Variants in GLIPR1L1 observed in about 807,000 individuals in gnomAD.
GLIPR1L1 encodes GLIPR1 like 1.
In GLIPR1L1, 26 loss-of-function variants were observed where a neutral mutation model predicts 29.9. The ratio of observed to expected loss-of-function variants is 0.87; its 90% CI spans 0.64 to 1.21. GLIPR1L1 has a LOEUF of 1.21. Among genes scored for constraint, GLIPR1L1 ranks in the 50% most tolerant of loss-of-function variants. The pLI is 0.00. For synonymous variants in GLIPR1L1, 77 were observed against 97.5 expected, an observed-to-expected ratio of 0.79 and a Z score of 1.24; for missense variants, 305 against 290.3, an observed-to-expected ratio of 1.05 and a Z score of -0.37.
intron 2 of GLIPR1L1, among the ~76,000 whole-genome samples, chr12:75,345,598 C>T (rs901616535): frequency 2.0e-5 from 3 of 152,078 alleles, no homozygotes; most frequent in East Asian, 1.9e-4. Flanking sequence ...GTTCACTCTT[C>T]GTTCAACAAC....
At chr12:75,335,861 T>C (rs1322407436) in intron 1 of GLIPR1L1, among the ~76,000 whole-genome samples, 1 of 152,016 alleles carries the variant, frequency 6.6e-6, no homozygotes, top group African/African-American at 2.4e-5. Context: ...TCAACGGAAT[T>C]CAGAAATACT....
intron 1 of GLIPR1L1, among the ~76,000 whole-genome samples, chr12:75,340,261 CAT>C (rs111841775): frequency 0.011 from 1,629 of 151,784 alleles, 20 homozygotes; most frequent in African/African-American, 0.032. Context: ...CTGCTATAAA[CAT>C]GTGTGTGCTA....
At chr12:75,369,816 T>C in intron 4 of GLIPR1L1, 144 bp from the exon 5 acceptor site, 1 of 1,299,354 alleles carries the variant, frequency 7.7e-7, no homozygotes. Flanking sequence ...ACTGTAGGAT[T>C]GAGTAGGAAA....
At chr12:75,340,118 G>A (rs954298322) in intron 1 of GLIPR1L1, among the ~76,000 whole-genome samples, 8 of 150,344 alleles carry the variant, frequency 5.3e-5, no homozygotes, top group Non-Finnish European at 1.0e-4. Flanking sequence ...TCCATTATAT[G>A]TATATATTTT....
At chr12:75,368,579 T>G (rs1005032604) in intron 4 of GLIPR1L1, among the ~76,000 whole-genome samples, 1 of 151,760 alleles carries the variant, frequency 6.6e-6, no homozygotes, top group Non-Finnish European at 1.5e-5. Context: ...AAGAGATGGC[T>G]AGATCCTTGT....
chr12:75,350,146 G>C (rs2042710790), intron 3 of GLIPR1L1, among the ~76,000 whole-genome samples: 1 of 152,236 alleles, frequency 6.6e-6, no homozygotes, highest in Non-Finnish European at 1.5e-5. Context: ...GCTTCTTTAA[G>C]CGAGACCCTG....
At position 75,334,869 on chromosome 12, in the gene GLIPR1L1, AGTCAACCCT is replaced by A; in HGVS notation, c.142_150del (p.Val48_Pro50del). 2 of 1,614,166 alleles carry A rather than the reference AGTCAACCCT, an allele frequency of 1.2e-6. No homozygotes were observed. The highest frequency in any genetic ancestry group is 1.7e-6 in the Non-Finnish European group (2 of 1,180,014). On this transcript the variant is annotated inframe_deletion, in exon 1 of 6. Coordinates refer to ENST00000378695, the MANE Select transcript of GLIPR1L1 (RefSeq NM_001304964.2). ...AAGCCCACAACGAATGGCGTGGCAA[AGTCAACCCT>A]CCCGCGGCCGACATGAAATACATGG...
intron 1 of GLIPR1L1, among the ~76,000 whole-genome samples, chr12:75,339,872 G>A (rs2041987200): frequency 6.6e-6 from 1 of 151,940 alleles, no homozygotes; most frequent in Non-Finnish European, 1.5e-5. Context: ...TGCACCCATC[G>A]CCCAAGCAGT....
intron 3 of GLIPR1L1, among the ~76,000 whole-genome samples, chr12:75,351,621 A>G (rs2042821442): frequency 1.3e-5 from 2 of 149,410 alleles, no homozygotes; most frequent in Non-Finnish European, 3.0e-5. Flanking sequence ...ATCTTGACTT[A>G]CTACCACCTC....
At position 75,361,848 on chromosome 12, in the gene GLIPR1L1, C is replaced by T. The variant is rs150538320; in HGVS notation, c.522-1254C>T. ...TTCCTCCCTCAACACATGGGAATTA[C>T]AATTCAAGATGAGATTTGGGTGGGG... On this transcript the variant is annotated intron_variant, in intron 3 of 5. Coordinates refer to ENST00000378695, the MANE Select transcript of GLIPR1L1 (RefSeq NM_001304964.2). Among the ~76,000 whole-genome samples the T allele has an allele frequency of 1.1e-4, 16 of 152,194 alleles. No homozygotes were observed. The East Asian group carries it at 2.3e-3, about 22-fold the overall frequency.
intron 3 of GLIPR1L1, chr12:75,359,971 G>A (rs745658210): frequency 1.8e-4 from 27 of 152,110 alleles, no homozygotes; most frequent in Admixed American, 3.3e-4. Context: ...TAAGGCAAAG[G>A]GGAAACAAGC....
chr12:75,336,308 T>A (rs147895674), intron 1 of GLIPR1L1, among the ~76,000 whole-genome samples: 1,631 of 151,938 alleles, frequency 0.011, 20 homozygotes, highest in African/African-American at 0.032. Flanking sequence ...GAGGGAATCA[T>A]TTAAAAATAG....
At chr12:75,340,245 A>C (rs1472519561) in intron 1 of GLIPR1L1, among the ~76,000 whole-genome samples, 1 of 151,474 alleles carries the variant, frequency 6.6e-6, no homozygotes, top group Non-Finnish European at 1.5e-5. Context: ...AGAACTGCAA[A>C]TTGTGCTGCT....
chr12:75,360,749 G>A (rs1246940681), intron 3 of GLIPR1L1: 1 of 152,188 alleles, frequency 6.6e-6, no homozygotes, highest in East Asian at 1.9e-4. Context: ...TGTGCCAGTG[G>A]GGACTCTGTG....
rs778175786 is a variant in GLIPR1L1, at chr12:75,370,111, A to G, written c.664A>G (p.Arg222Gly). The change falls in exon 6 of 6, where the codon AGA (arginine) becomes GGA (glycine). Residue 222 changes from arginine to glycine, a missense_variant. Transcript: ENST00000378695. ...AAATCCATTTCTGAAGCCAACGGGGAGAGCACCTCAGCAGACAGCCTTTAA... is the reference window on the plus strand; with the variant it reads ...AAATCCATTTCTGAAGCCAACGGGGGGAGCACCTCAGCAGACAGCCTTTAA... ...NQNPFLKPTGRAPQQTAFNPF... is the reference protein window; with the variant it reads ...NQNPFLKPTGGAPQQTAFNPF... 6.2e-6 allele frequency: 10 copies of G among 1,607,102 alleles called. No homozygotes were observed. Among genetic ancestry groups the G allele is most frequent in the South Asian group, 1.1e-5 (1 of 90,756 alleles).
At chr12:75,353,044 G>A (rs1001461702) in intron 3 of GLIPR1L1, among the ~76,000 whole-genome samples, 6 of 152,020 alleles carry the variant, frequency 3.9e-5, no homozygotes, top group African/African-American at 1.4e-4. Flanking sequence ...CAAAAAGCTA[G>A]AAAGATCCCA....
At chr12:75,345,281 A>G (rs1258663096) in intron 2 of GLIPR1L1, among the ~76,000 whole-genome samples, 2 of 151,918 alleles carry the variant, frequency 1.3e-5, no homozygotes, top group East Asian at 1.9e-4. Flanking sequence ...TTTTCTGCAA[A>G]TCTCAGGGGT....
Position 75,339,867 on chromosome 12 carries a change from C to T in GLIPR1L1, c.175-3826C>T, listed in dbSNP as rs368063375. Among the ~76,000 whole-genome samples, 8 of 151,876 alleles carry T rather than the reference C, an allele frequency of 5.3e-5. No individual in the cohort carries two copies. In the East Asian group the frequency reaches 1.4e-3, roughly 26 times the overall value. ...GGTGATTTCTGAGATTTTGGTGCACCCATCGCCCAAGCAGTGCCCAATGTG... is the reference window on the plus strand; with the variant it reads ...GGTGATTTCTGAGATTTTGGTGCACTCATCGCCCAAGCAGTGCCCAATGTG... On this transcript the variant is annotated intron_variant, in intron 1 of 5. Transcript: ENST00000378695.
At chr12:75,360,439 G>T (rs2043496126) in intron 3 of GLIPR1L1, 1 of 152,156 alleles carries the variant, frequency 6.6e-6, no homozygotes, top group Non-Finnish European at 1.5e-5. Flanking sequence ...TTGGGTAAAT[G>T]CTCCCATTCC....
Sources: allele counts gnomAD v4.1 joint callset (sites outside exome capture counted in the v4.1 genomes callset), GRCh38; gene constraint gnomAD v4.1.1; transcripts MANE v1.5; gene names NCBI Gene and HGNC (gene_info 2026-07-23, HGNC 2026-07-21).